The following ST6GALNAC4 variants were observed in gnomAD, a reference collection of about 807,000 sequenced individuals.
ST6GALNAC4 encodes alpha-N-acetyl-neuraminyl-2,3-beta-galactosyl-1,3-N-acetyl-galactosaminide alpha-2,6-sialyltransferase.
Under a neutral mutation model 30.4 loss-of-function variants are expected in ST6GALNAC4, and 24 were observed. The observed-to-expected ratio is 0.79, with a 90% confidence interval of 0.57 to 1.11. The LOEUF is 1.11. ST6GALNAC4 is among the 50% of genes most tolerant of loss of function. ST6GALNAC4 has a pLI of 0.00. For synonymous variants in ST6GALNAC4, 156 were observed against 179.7 expected, an observed-to-expected ratio of 0.87 and a Z score of 1.05; for missense variants, 365 against 430.1, an observed-to-expected ratio of 0.85 and a Z score of 1.34.
At chr9:127,916,588 G>T in intron 1 of ST6GALNAC4, 94 bp from the exon 2 acceptor site, 1 of 718,540 alleles carries the variant, frequency 1.4e-6, no homozygotes, top group Non-Finnish European at 2.4e-6. Flanking sequence ...TACAGGCCGG[G>T]GTGAAAGCAC....
chr9:127,910,665 C>G (rs1831056090), intron 4 of ST6GALNAC4: 2 of 962,512 alleles, frequency 2.1e-6, no homozygotes, highest in South Asian at 9.5e-5. Context: ...GAGGCAGCAG[C>G]CCTGGGTACT....
At chr9:127,913,484 C>T (rs532122799) in intron 3 of ST6GALNAC4, among the ~76,000 whole-genome samples, 135 of 152,306 alleles carry the variant, frequency 8.9e-4, no homozygotes, top group Non-Finnish European at 1.6e-3. Flanking sequence ...ACTCAGGAGA[C>T]TGAGGCAGAA....
At chr9:127,911,233 G>A (rs1488991941) in intron 4 of ST6GALNAC4, among the ~76,000 whole-genome samples, 1 of 152,162 alleles carries the variant, frequency 6.6e-6, no homozygotes, top group Non-Finnish European at 1.5e-5. Flanking sequence ...CTAAGTCAAG[G>A]TGGCAGCCAT....
In ST6GALNAC4 at chr9:127,914,412, C is replaced by A. The variant is rs1242528663; in HGVS notation, c.198+244G>T. ...CCATCTCAAAAAAAAAAAAAAAAAT[C>A]TCTTTTTAGAATCTAGGGCTCAGAG... is the stretch of plus-strand genomic sequence containing the variant. On this transcript the variant is annotated intron_variant, in intron 3 of 5. Transcript: ENST00000335791. 8.0e-5 allele frequency among the ~76,000 whole-genome samples: 9 copies of A among 111,804 alleles called. 1 individual carries two copies. The highest frequency in any genetic ancestry group is 1.5e-4 in the Non-Finnish European group (8 of 53,154). 73.3% of individuals were successfully genotyped at this position (111,804 alleles called of 152,430 possible). A position where few individuals can be genotyped will look rare whatever the true frequency, so the allele number is the denominator to read the frequency against.
At chr9:127,914,862 G>A in intron 2 of ST6GALNAC4, 21 bp from the exon 3 acceptor site, 5 of 1,446,270 alleles carry the variant, frequency 3.5e-6, no homozygotes, top group South Asian at 3.0e-5. Context: ...CAGTGGCCAT[G>A]GGGGGGTGTA....
At position 127,908,185 on chromosome 9, in the gene ST6GALNAC4, C is replaced by T. The variant is rs111425524; in HGVS notation, c.*207G>A. Reference sequence around the variant, plus strand: ...ACTCAGGGAGTGGAGGGGGGAGACACGGCTCCCCCCTCCACTCCCCTTCAA... The same window carrying T: ...ACTCAGGGAGTGGAGGGGGGAGACATGGCTCCCCCCTCCACTCCCCTTCAA... On this transcript the variant is annotated 3_prime_UTR_variant, in exon 6 of 6. Transcript: ENST00000335791. 4.2e-5 allele frequency: 9 copies of T among 216,092 alleles called. No individual in the cohort carries two copies. The highest frequency in any genetic ancestry group is 7.8e-5 in the East Asian group (1 of 12,852). 13.4% of individuals were successfully genotyped at this position (216,092 alleles called of 1,614,324 possible).
At chr9:127,909,000 G>A (rs1477505791) in intron 5 of ST6GALNAC4, among the ~76,000 whole-genome samples, 1 of 152,190 alleles carries the variant, frequency 6.6e-6, no homozygotes, top group Admixed American at 6.5e-5. Flanking sequence ...AGCATCACGG[G>A]GGCCAGCCGT....
chr9:127,915,191 G>C (rs540077858), intron 2 of ST6GALNAC4, among the ~76,000 whole-genome samples: 1 of 152,334 alleles, frequency 6.6e-6, no homozygotes, highest in South Asian at 2.1e-4. Context: ...TGTACTGTGC[G>C]ACCTATGGCT....
In ST6GALNAC4 at chr9:127,912,325, G is replaced by C; in HGVS notation, c.554C>G (p.Thr185Arg). 6.2e-7 allele frequency: 1 copy of C among 1,614,042 alleles called. No individual in the cohort carries two copies. Among genetic ancestry groups the C allele is most frequent in the Non-Finnish European group, 8.5e-7 (1 of 1,180,022 alleles). The part of the protein sequence containing the change: ...MYPGLQVYTF[T>R]ERMMAYCDQI... ...GTCGCAGTAGGCCATCATGCGCTCC[G>C]TGAAGGTGTACACCTGCAGGCCGGG... The change falls in exon 4 of 6, where the codon ACG becomes AGG. Residue 185 changes from threonine (T) to arginine (R), a missense_variant. Thr to Arg is a moderately conservative substitution (Grantham distance 71). Coordinates refer to ENST00000335791, the MANE Select transcript of ST6GALNAC4 (RefSeq NM_175039.4).
chr9:127,913,318 C>T (rs977808107), intron 3 of ST6GALNAC4, among the ~76,000 whole-genome samples: 5 of 152,248 alleles, frequency 3.3e-5, no homozygotes, highest in Admixed American at 1.3e-4. Context: ...GGAGCGGTGG[C>T]TCACGCCTGT....
In ST6GALNAC4 at chr9:127,912,500, T is replaced by C; in HGVS notation, c.379A>G (p.Thr127Ala). The C allele has an allele frequency of 6.2e-7, 1 of 1,613,918 alleles. No individual in the cohort carries two copies. Among genetic ancestry groups the C allele is most frequent in the Non-Finnish European group, 8.5e-7 (1 of 1,179,884 alleles). ...QRSTLRVVSHTSVPLLLRNYS... is the reference protein window; with the variant it reads ...QRSTLRVVSHASVPLLLRNYS... ...TTGCGCAGCAGCAGCGGCACGCTTG[T>C]GTGTGAGACGACACGCAGGGTGCTG... Residue 127 changes from threonine to alanine, a missense_variant, in exon 4 of 6, where the codon ACA (threonine) becomes GCA (alanine). Coordinates refer to ENST00000335791, the MANE Select transcript of ST6GALNAC4 (RefSeq NM_175039.4).
chr9:127,910,521 T>C (rs1297269364), intron 4 of ST6GALNAC4: 73 of 998,476 alleles, frequency 7.3e-5, no homozygotes, highest in Non-Finnish European at 8.6e-5. Flanking sequence ...CTGAGCCTCA[T>C]GACCAGTCTG....
At chr9:127,909,345 C>T (rs1347488544) in intron 5 of ST6GALNAC4, among the ~76,000 whole-genome samples, 12 of 150,106 alleles carry the variant, frequency 8.0e-5, no homozygotes, top group South Asian at 4.2e-4. Flanking sequence ...GCCAAGATCG[C>T]GCCACTGCAC....
chr9:127,908,631 G>T, intron 5 of ST6GALNAC4, 50 bp from the exon 6 acceptor site: 1 of 1,455,082 alleles, frequency 6.9e-7, no homozygotes, highest in Non-Finnish European at 9.2e-7. Flanking sequence ...ACTCGCCTCC[G>T]GCCACACCCT....
chr9:127,916,602 G>A, intron 1 of ST6GALNAC4, 108 bp from the exon 2 acceptor site: 2 of 652,312 alleles, frequency 3.1e-6, no homozygotes, highest in East Asian at 2.7e-5. Context: ...AAAGCACATG[G>A]CACCCGGGAA....
intron 4 of ST6GALNAC4, chr9:127,910,414 C>T: frequency 9.4e-7 from 1 of 1,061,732 alleles, no homozygotes; most frequent in Non-Finnish European, 1.1e-6. Flanking sequence ...CAGCAGGGCA[C>T]CGTGGTTTGA....
At chr9:127,910,184 GGGGGAGGCT>G (rs1831045790) in intron 4 of ST6GALNAC4, 126 bp from the exon 5 acceptor site, 1 of 1,453,058 alleles carries the variant, frequency 6.9e-7, no homozygotes, top group African/African-American at 1.4e-5. Flanking sequence ...GGGGGGCTCT[GGGGGAGGCT>G]GGGGAGGGGA....
chr9:127,915,259 G>A (rs73608314), intron 2 of ST6GALNAC4, among the ~76,000 whole-genome samples: 10,359 of 152,222 alleles, frequency 0.068, 444 homozygotes, highest in African/African-American at 0.13. Flanking sequence ...AATGCCCACC[G>A]TGTGAACTTA....
chr9:127,914,335 G>A (rs1222784986), intron 3 of ST6GALNAC4, among the ~76,000 whole-genome samples: 2 of 147,464 alleles, frequency 1.4e-5, no homozygotes, highest in African/African-American at 2.5e-5. Flanking sequence ...CAGAGGTTGC[G>A]TGAGCTGAGA....
Sources: allele counts gnomAD v4.1 joint callset (sites outside exome capture counted in the v4.1 genomes callset), GRCh38; gene constraint gnomAD v4.1.1; transcripts MANE v1.5; gene names NCBI Gene and HGNC (gene_info 2026-07-23, HGNC 2026-07-21).